The following RCAN2 variants were observed in gnomAD, a reference collection of about 807,000 sequenced individuals.
The protein encoded by RCAN2 is regulator of calcineurin 2, also known as calcipressin-2.
In RCAN2, 9 loss-of-function variants were observed where a neutral mutation model predicts 23.6. That is an observed-to-expected ratio of 0.38 (90% CI 0.23 to 0.67). The LOEUF (loss-of-function observed/expected upper bound fraction) is 0.67, where lower values mean the gene tolerates loss of function less well. RCAN2 is among the 30% of genes least tolerant of loss of function. The probability of loss-of-function intolerance (pLI) is 0.51; values close to 1 mark genes in which losing one functional copy is unlikely to be tolerated. For synonymous variants in RCAN2, 109 were observed against 115.7 expected, an observed-to-expected ratio of 0.94 and a Z score of 0.37; for missense variants, 273 against 302.3, an observed-to-expected ratio of 0.90 and a Z score of 0.72.
chr6:46,237,154 A>T (rs527471163), intron 4 of RCAN2, among the ~76,000 whole-genome samples: 5 of 152,090 alleles, frequency 3.3e-5, no homozygotes, highest in African/African-American at 7.2e-5. Flanking sequence ...CTTTTAATAC[A>T]TTTTCATGGC....
chr6:46,281,246 A>G (rs973675662), intron 2 of RCAN2, among the ~76,000 whole-genome samples: 2 of 152,192 alleles, frequency 1.3e-5, no homozygotes, highest in African/African-American at 4.8e-5. Flanking sequence ...TGTCCAGTTT[A>G]TGGCATCTGC....
intron 2 of RCAN2, among the ~76,000 whole-genome samples, chr6:46,278,518 T>C (rs761210810): frequency 2.6e-4 from 39 of 152,310 alleles, no homozygotes; most frequent in Admixed American, 2.2e-3. Context: ...CTTCTATAAC[T>C]GCTGTACAAT....
intron 2 of RCAN2, among the ~76,000 whole-genome samples, chr6:46,289,998 A>T (rs1026210053): frequency 2.6e-5 from 4 of 152,184 alleles, no homozygotes; most frequent in Non-Finnish European, 5.9e-5. Context: ...AATAGAGACA[A>T]GTGAAGCAGC....
At chr6:46,356,435 G>A (rs1468726750) in intron 2 of RCAN2, among the ~76,000 whole-genome samples, 2 of 152,188 alleles carry the variant, frequency 1.3e-5, no homozygotes, top group Non-Finnish European at 2.9e-5. Flanking sequence ...TTGGTCTGGA[G>A]GGAAACCTGG....
chr6:46,405,805 G>A (rs1046272789), intron 2 of RCAN2, among the ~76,000 whole-genome samples: 2 of 152,342 alleles, frequency 1.3e-5, no homozygotes, highest in Admixed American at 6.5e-5. Context: ...ACTGGGCGCC[G>A]TGGAGCAGGG....
intron 2 of RCAN2, among the ~76,000 whole-genome samples, chr6:46,417,258 C>G (rs1360494626): frequency 6.6e-6 from 1 of 152,134 alleles, no homozygotes; most frequent in African/African-American, 2.4e-5. Flanking sequence ...TACATGTTCT[C>G]CCCTACTGAG....
chr6:46,353,227 T>C (rs1206605378), intron 2 of RCAN2, among the ~76,000 whole-genome samples: 1 of 152,152 alleles, frequency 6.6e-6, no homozygotes, highest in Admixed American at 6.5e-5. Context: ...AGTTTTTGTT[T>C]TTCTGGGCCT....
At chr6:46,263,447 CAGAG>C (rs1405400274) in intron 2 of RCAN2, among the ~76,000 whole-genome samples, 2 of 140,036 alleles carry the variant, frequency 1.4e-5, no homozygotes, top group Non-Finnish European at 3.0e-5. Flanking sequence ...AATGTGTCAT[CAGAG>C]AGTGTGTGTG....
intron 2 of RCAN2, among the ~76,000 whole-genome samples, chr6:46,372,108 A>C (rs1765338348): frequency 6.6e-6 from 1 of 152,234 alleles, no homozygotes; most frequent in Non-Finnish European, 1.5e-5. Flanking sequence ...ACTACATGGA[A>C]TATAACTAAA....
At chr6:46,414,641 G>T (rs755309540) in intron 2 of RCAN2, among the ~76,000 whole-genome samples, 2 of 152,166 alleles carry the variant, frequency 1.3e-5, no homozygotes, top group Non-Finnish European at 2.9e-5. Context: ...ATAGAGAAAA[G>T]ACTAACTTCC....
intron 1 of RCAN2, among the ~76,000 whole-genome samples, chr6:46,479,266 T>G (rs1768793531): frequency 6.6e-6 from 1 of 152,326 alleles, no homozygotes; most frequent in South Asian, 2.1e-4. Context: ...GGAAAAACAA[T>G]TTAGAATGCT....
chr6:46,456,933 T>C lies in RCAN2; in HGVS notation c.44A>G (p.Gln15Arg). 1 of 1,550,816 alleles carries C rather than the reference T, an allele frequency of 6.4e-7. No homozygotes were observed. The highest frequency in any genetic ancestry group is 8.7e-7 in the Non-Finnish European group (1 of 1,146,974). The change falls in exon 2 of 5, where the codon CAG becomes CGG. Residue 15 changes from glutamine to arginine, a missense_variant. Physicochemically the swap from Gln to Arg is conservative, Grantham distance 43. Transcript: ENST00000371374. The stretch of plus-strand genomic sequence containing the variant: ...TCCATCTTCAGGGACGTGTCCCTGC[T>C]GCCCTGGGCTCCTCATTCCGATGAA... ...SYFIGMRSPG[Q>R]QGHVPEDGGL... is the part of the protein sequence containing the mutation.
chr6:46,457,945 T>C (rs1768090892), intron 1 of RCAN2, among the ~76,000 whole-genome samples: 1 of 152,224 alleles, frequency 6.6e-6, no homozygotes, highest in South Asian at 2.1e-4. Flanking sequence ...ATTAGGTCAG[T>C]ATCCCCATAT....
At chr6:46,437,454 G>A (rs1767407000) in intron 2 of RCAN2, among the ~76,000 whole-genome samples, 1 of 152,162 alleles carries the variant, frequency 6.6e-6, no homozygotes, top group Non-Finnish European at 1.5e-5. Flanking sequence ...TAAAAATTGG[G>A]TAAAGTCACT....
At chr6:46,255,581 G>A (rs1161781230) in intron 2 of RCAN2, among the ~76,000 whole-genome samples, 1 of 152,150 alleles carries the variant, frequency 6.6e-6, no homozygotes. Flanking sequence ...GCACATGAAT[G>A]GAATTGTGAT....
intron 2 of RCAN2, among the ~76,000 whole-genome samples, chr6:46,390,065 T>G (rs922693429): frequency 6.0e-5 from 9 of 150,922 alleles, no homozygotes; most frequent in South Asian, 2.1e-4. Context: ...ACCAGGCTAC[T>G]GTTTTTGAAA....
chr6:46,456,059 A>G (rs138126098), intron 2 of RCAN2, among the ~76,000 whole-genome samples: 1 of 152,314 alleles, frequency 6.6e-6, no homozygotes, highest in East Asian at 1.9e-4. Flanking sequence ...AAGGTCTCCA[A>G]ATGGAATATT....
chr6:46,472,698 A>C (rs1768598977), intron 1 of RCAN2, among the ~76,000 whole-genome samples: 1 of 152,184 alleles, frequency 6.6e-6, no homozygotes, highest in Admixed American at 6.5e-5. Context: ...AGAACTCAAC[A>C]TTGTACCAAG....
chr6:46,228,569 C>T (rs1368728796), intron 4 of RCAN2, among the ~76,000 whole-genome samples: 2 of 152,046 alleles, frequency 1.3e-5, no homozygotes, highest in East Asian at 3.9e-4. Flanking sequence ...GGTTTAAAGT[C>T]TGTTTTATCA....
Sources: allele counts gnomAD v4.1 joint callset (sites outside exome capture counted in the v4.1 genomes callset), GRCh38; gene constraint gnomAD v4.1.1; transcripts MANE v1.5; gene names NCBI Gene and HGNC (gene_info 2026-07-23, HGNC 2026-07-21).